The following KCNK9 variants were observed in gnomAD, a reference collection of about 807,000 sequenced individuals.
KCNK9 encodes potassium channel subfamily K member 9.
In KCNK9, 1 loss-of-function variant was observed where a neutral mutation model predicts 10.8. That is an observed-to-expected ratio of 0.09 (90% confidence interval 0.03 to 0.44). KCNK9 has a LOEUF of 0.44. Among genes scored for constraint, KCNK9 ranks in the 20% least tolerant of loss-of-function variants. KCNK9 has a pLI of 0.97. For synonymous variants in KCNK9, 231 were observed against 222.7 expected, an observed-to-expected ratio of 1.04 and a Z score of -0.33; for missense variants, 303 against 515.0, an observed-to-expected ratio of 0.59 and a Z score of 3.98.
intron 1 of KCNK9, among the ~76,000 whole-genome samples, chr8:139,659,444 T>C (rs769420071): frequency 7.9e-5 from 12 of 151,554 alleles, no homozygotes; most frequent in Non-Finnish European, 1.2e-4. Context: ...CAGCAGGTGT[T>C]AGACCCCTGG....
chr8:139,644,940 C>T (rs1188812508), intron 1 of KCNK9, among the ~76,000 whole-genome samples: 2 of 152,220 alleles, frequency 1.3e-5, no homozygotes, highest in African/African-American at 2.4e-5. Context: ...CCCACATCCC[C>T]GCCCACAGTG....
chr8:139,700,093 A>T (rs539092150), intron 1 of KCNK9, among the ~76,000 whole-genome samples: 3 of 152,154 alleles, frequency 2.0e-5, no homozygotes, highest in Non-Finnish European at 4.4e-5. Flanking sequence ...AGAAAAAAAA[A>T]CAAACAGAAT....
At position 139,618,804 on chromosome 8, in the gene KCNK9, G is replaced by A. The variant is rs1229631758; in HGVS notation, c.579C>T (p.Cys193=). The part of the protein sequence containing the change: ...EWSFFHAYYY[C]FITLTTIGFG... ...ACCCAATGGTAGTCAACGTGATGAAGCAGTAGTAGTAGGCGTGGAAGAAGC... is the reference window on the plus strand; with the variant it reads ...ACCCAATGGTAGTCAACGTGATGAAACAGTAGTAGTAGGCGTGGAAGAAGC... The change falls in exon 2 of 2, where the codon TGC becomes TGT. Residue 193 remains cysteine, a synonymous_variant. Transcript: ENST00000520439. This position sits in a 1 kb window ranked among gnomAD's most constrained non-coding sequence, Gnocchi z 7.9. 1 of 1,614,238 alleles carries A rather than the reference G, an allele frequency of 6.2e-7. No homozygotes were observed. The highest frequency in any genetic ancestry group is 8.5e-7 in the Non-Finnish European group (1 of 1,180,046).
intron 1 of KCNK9, among the ~76,000 whole-genome samples, chr8:139,620,213 A>C (rs1814734852): frequency 6.6e-6 from 1 of 150,448 alleles, no homozygotes; most frequent in Non-Finnish European, 1.5e-5. Context: ...CAGAATAAAA[A>C]CCTGGATCAT....
Position 139,622,301 on chromosome 8 carries a change from G to A in KCNK9, c.284-3202C>T, listed in dbSNP as rs150114183. On this transcript the variant is annotated intron_variant, in intron 1 of 1. Coordinates refer to ENST00000520439, the MANE Select transcript of KCNK9 (RefSeq NM_001282534.2). ...CCCTCTCAAGTGAGAGACAAGTTTC[G>A]GGACTCCCAAGGCCTTCTAGGAAAA... Among the ~76,000 whole-genome samples, 258 of 152,224 alleles carry A rather than the reference G, an allele frequency of 1.7e-3. 3 individuals carry two copies. The highest frequency in any genetic ancestry group is 5.9e-3 in the African/African-American group (245 of 41,538).
intron 1 of KCNK9, among the ~76,000 whole-genome samples, chr8:139,630,783 G>C (rs1815142866): frequency 6.6e-6 from 1 of 152,234 alleles, no homozygotes. Flanking sequence ...AGGGTGGGTG[G>C]AGAAGGCTGC....
At chr8:139,627,857 G>A (rs1815026663) in intron 1 of KCNK9, among the ~76,000 whole-genome samples, 1 of 152,232 alleles carries the variant, frequency 6.6e-6, no homozygotes, top group Non-Finnish European at 1.5e-5. Flanking sequence ...AGGTAACAGG[G>A]CTGTGAGCAG....
At chr8:139,639,260 C>T (rs530781048) in intron 1 of KCNK9, among the ~76,000 whole-genome samples, 14 of 152,224 alleles carry the variant, frequency 9.2e-5, no homozygotes, top group Non-Finnish European at 1.9e-4. Context: ...CACCAGAATC[C>T]CCTGGGACAG....
At chr8:139,612,329 A>G (rs971464367), downstream of KCNK9, 1 of 152,250 alleles carries the variant, frequency 6.6e-6, no homozygotes, top group Admixed American at 6.5e-5. Context: ...GAGGTCACAA[A>G]GTATAGCCCT....
intron 1 of KCNK9, among the ~76,000 whole-genome samples, chr8:139,642,931 A>G (rs1372651709): frequency 6.6e-6 from 1 of 152,154 alleles, no homozygotes; most frequent in East Asian, 1.9e-4. Flanking sequence ...GTAGGTGGCC[A>G]AGGAAAAGAA....
rs1586696955 is a variant in KCNK9 at position 139,693,052 on chromosome 8, C to G, written c.283+9658G>C. 6.6e-6 allele frequency among the ~76,000 whole-genome samples: 1 copy of G among 152,294 alleles called. No homozygotes were observed. Among genetic ancestry groups the G allele is most frequent in the East Asian group, 1.9e-4 (1 of 5,170 alleles). On this transcript the variant is annotated intron_variant, in intron 1 of 1. Coordinates refer to ENST00000520439, the MANE Select transcript of KCNK9 (RefSeq NM_001282534.2). This position sits in a 1 kb window ranked among gnomAD's most constrained non-coding sequence, Gnocchi z 4.1. Reference sequence around the variant, plus strand: ...CCTCACCTGAGTTTTCACCCCAGCCCCACCTGACAAGCTCATCCCAGATGT... The same window carrying G: ...CCTCACCTGAGTTTTCACCCCAGCCGCACCTGACAAGCTCATCCCAGATGT...
At chr8:139,609,851 G>A (rs1025450809), downstream of KCNK9, among the ~76,000 whole-genome samples, 7 of 152,138 alleles carry the variant, frequency 4.6e-5, no homozygotes, top group Admixed American at 1.3e-4. Context: ...CCACACTGGC[G>A]TCCTGTCCAT....
At chr8:139,610,840 T>C (rs1344251693), downstream of KCNK9, among the ~76,000 whole-genome samples, 2 of 152,210 alleles carry the variant, frequency 1.3e-5, no homozygotes, top group African/African-American at 4.8e-5. Flanking sequence ...GTGGCCAGCT[T>C]GTGGAGGGCC....
intron 1 of KCNK9, among the ~76,000 whole-genome samples, chr8:139,653,857 C>T (rs1472521944): frequency 1.3e-5 from 2 of 152,228 alleles, no homozygotes; most frequent in African/African-American, 4.8e-5. Context: ...CAACACCCTC[C>T]CAGGAATTTT....
At chr8:139,664,654 C>T (rs751372912) in intron 1 of KCNK9, among the ~76,000 whole-genome samples, 11 of 152,204 alleles carry the variant, frequency 7.2e-5, no homozygotes, top group Admixed American at 1.3e-4. Flanking sequence ...CTCCACTCTA[C>T]AGTCATATCC....
At chr8:139,694,551 C>A (rs1446908933) in intron 1 of KCNK9, among the ~76,000 whole-genome samples, 1 of 152,156 alleles carries the variant, frequency 6.6e-6, no homozygotes, top group Non-Finnish European at 1.5e-5. Context: ...CACGGAGGAG[C>A]CCCTGAAATC....
chr8:139,630,897 C>G (rs1815147251), intron 1 of KCNK9, among the ~76,000 whole-genome samples: 1 of 152,256 alleles, frequency 6.6e-6, no homozygotes, highest in African/African-American at 2.4e-5. Context: ...ATCCATCCCC[C>G]AAGTAAGTCT....
At chr8:139,667,220 A>T (rs552135218) in intron 1 of KCNK9, among the ~76,000 whole-genome samples, 44 of 152,166 alleles carry the variant, frequency 2.9e-4, no homozygotes, top group Admixed American at 2.7e-3. Context: ...CAGGGGATGC[A>T]CTCCAGGTCG....
At chr8:139,698,058 GGA>G (rs1435923662) in intron 1 of KCNK9, among the ~76,000 whole-genome samples, 1 of 152,190 alleles carries the variant, frequency 6.6e-6, no homozygotes, top group Non-Finnish European at 1.5e-5. Flanking sequence ...GGAGCTAAAG[GGA>G]GAAGGAAAAA....
Sources: allele counts gnomAD v4.1 joint callset (sites outside exome capture counted in the v4.1 genomes callset), GRCh38; gene constraint gnomAD v4.1.1; non-coding constraint Gnocchi (gnomAD v3.1); transcripts MANE v1.5; gene names NCBI Gene and HGNC (gene_info 2026-07-23, HGNC 2026-07-21).